Variants in MAF observed in about 807,000 individuals in gnomAD.
MAF encodes MAF bZIP transcription factor.
A neutral mutation model predicts 22.0 loss-of-function variants in MAF; 10 were observed. The observed-to-expected ratio is 0.45, with a 90% CI of 0.28 to 0.77. MAF has a LOEUF of 0.77. MAF is among the 30% of genes least tolerant of loss of function. MAF has a pLI of 0.12. For missense variants in MAF, 544 were observed against 548.4 expected (o/e 0.99, Z 0.08); for synonymous variants, 337 against 255.8 (o/e 1.32, Z -3.03).
chr16:79,341,631 A>G, the MAF span, among the ~76,000 whole-genome samples: 1 of 152,186 alleles, frequency 6.6e-6, no homozygotes, highest in East Asian at 1.9e-4. Flanking sequence ...TATTATTATT[A>G]GGTTGGCTAT....
chr16:79,495,248 A>C, the MAF span, among the ~76,000 whole-genome samples: 51 of 152,252 alleles, frequency 3.3e-4, no homozygotes, highest in African/African-American at 1.1e-3. Context: ...GATTGCTTGA[A>C]ACCAGCAGTT....
chr16:79,213,998 C>T, the MAF span, among the ~76,000 whole-genome samples: 1 of 152,170 alleles, frequency 6.6e-6, no homozygotes, highest in Non-Finnish European at 1.5e-5. Flanking sequence ...GTTCCTCGAA[C>T]ATGCCAAGCA....
the MAF span, among the ~76,000 whole-genome samples, chr16:79,538,851 A>C: frequency 8.2e-6 from 1 of 122,120 alleles, no homozygotes; most frequent in East Asian, 2.5e-4. Flanking sequence ...AGAAAGAAAG[A>C]AAAGAAAAGA....
the MAF span, among the ~76,000 whole-genome samples, chr16:79,403,483 C>G: frequency 1.8e-3 from 276 of 152,312 alleles, 1 homozygote; most frequent in African/African-American, 6.2e-3. Flanking sequence ...CCGCCCCTCA[C>G]TTCCCTGCCT....
At chr16:79,276,089 C>A in the MAF span, among the ~76,000 whole-genome samples, 7 of 151,640 alleles carry the variant, frequency 4.6e-5, no homozygotes, top group Non-Finnish European at 8.8e-5. Flanking sequence ...TGCAGTGAGC[C>A]GAGATCGTGC....
chr16:79,273,365 T>C, the MAF span, among the ~76,000 whole-genome samples: 1 of 152,172 alleles, frequency 6.6e-6, no homozygotes, highest in Non-Finnish European at 1.5e-5. Flanking sequence ...ATTGCTGCCA[T>C]GTGAACCTAT....
the MAF span, among the ~76,000 whole-genome samples, chr16:79,565,630 C>T: frequency 6.6e-6 from 1 of 152,144 alleles, no homozygotes; most frequent in Non-Finnish European, 1.5e-5. Context: ...CTTCGCTCAG[C>T]ACTTCTCCTT....
chr16:79,569,112 T>C, the MAF span, among the ~76,000 whole-genome samples: 1 of 152,028 alleles, frequency 6.6e-6, no homozygotes, highest in South Asian at 2.1e-4. Flanking sequence ...CTATTCCCAC[T>C]TCACCTAGGA....
the MAF span, among the ~76,000 whole-genome samples, chr16:79,504,001 T>G: frequency 1.3e-5 from 2 of 151,922 alleles, no homozygotes; most frequent in African/African-American, 4.8e-5. Flanking sequence ...AGGGGCTCAG[T>G]AAATATCCCC....
the MAF span, among the ~76,000 whole-genome samples, chr16:79,323,164 A>AGGC: frequency 5.4e-5 from 7 of 130,330 alleles, no homozygotes; most frequent in African/African-American, 2.0e-4. Flanking sequence ...AAAAAAAAAA[A>AGGC]AAAAAAAAAA....
At chr16:79,334,745 CTTTA>C in the MAF span, among the ~76,000 whole-genome samples, 1 of 152,002 alleles carries the variant, frequency 6.6e-6, no homozygotes, top group Non-Finnish European at 1.5e-5. Flanking sequence ...GGTTAGTGCA[CTTTA>C]TAGGAGTAAA....
chr16:79,412,955 C>A, the MAF span, among the ~76,000 whole-genome samples: 1 of 152,234 alleles, frequency 6.6e-6, no homozygotes, highest in Non-Finnish European at 1.5e-5. Context: ...GGGTCAGCAT[C>A]TGTGAGAGTT....
At chr16:79,396,457 C>T in the MAF span, among the ~76,000 whole-genome samples, 10 of 152,152 alleles carry the variant, frequency 6.6e-5, no homozygotes, top group South Asian at 1.9e-3. Context: ...TTTATACATC[C>T]CCAAGATGCA....
chr16:79,353,950 A>G, the MAF span, among the ~76,000 whole-genome samples: 1 of 152,096 alleles, frequency 6.6e-6, no homozygotes, highest in African/African-American at 2.4e-5. Context: ...GTCTTCATGG[A>G]GACCAGAGAT....
chr16:79,287,161 G>A, the MAF span, among the ~76,000 whole-genome samples: 1 of 144,972 alleles, frequency 6.9e-6, no homozygotes, highest in African/African-American at 2.6e-5. Flanking sequence ...AGAAATCTGT[G>A]AAATGACTGA....
chr16:79,407,001 G>A, the MAF span, among the ~76,000 whole-genome samples: 2 of 152,238 alleles, frequency 1.3e-5, no homozygotes, highest in East Asian at 3.9e-4. Context: ...GGCTGCCGGC[G>A]CGTCACACCC....
At chr16:79,476,866 A>G in the MAF span, among the ~76,000 whole-genome samples, 1 of 152,126 alleles carries the variant, frequency 6.6e-6, no homozygotes, top group African/African-American at 2.4e-5. Flanking sequence ...TTTTTTAAAA[A>G]ATGTCATTTC....
the MAF span, among the ~76,000 whole-genome samples, chr16:79,535,278 G>A: frequency 7.9e-5 from 12 of 151,796 alleles, no homozygotes; most frequent in Non-Finnish European, 1.6e-4. Context: ...TGTGGATGGC[G>A]CCTCGGTTTT....
the MAF span, among the ~76,000 whole-genome samples, chr16:79,376,577 G>T: frequency 6.6e-6 from 1 of 151,878 alleles, no homozygotes; most frequent in African/African-American, 2.4e-5. Flanking sequence ...TGCACGACGT[G>T]CAGGTTTGTT....
Sources: allele counts gnomAD v4.1 joint callset (sites outside exome capture counted in the v4.1 genomes callset), GRCh38; gene constraint gnomAD v4.1.1; transcripts MANE v1.5; gene names NCBI Gene and HGNC (gene_info 2026-07-23, HGNC 2026-07-21).